GRIA3: variants seen among roughly 807,000 people sequenced by gnomAD.
GRIA3 encodes the protein glutamate ionotropic receptor AMPA type subunit 3, also known as glutamate receptor 3.
Under a neutral mutation model 63.0 loss-of-function variants are expected in GRIA3, and 3 were observed. The ratio of observed to expected loss-of-function variants is 0.05; its 90% CI spans 0.02 to 0.12. The LOEUF is 0.12. Among genes scored for constraint, GRIA3 ranks in the 10% least tolerant of loss-of-function variants. The pLI is 1.00. For synonymous variants in GRIA3, 274 were observed against 257.9 expected (o/e 1.06, Z -0.60); for missense variants, 347 against 700.9 (o/e 0.50, Z 5.70).
chrX:123,221,116 A>G (rs1229349074), intron 2 of GRIA3, among the ~76,000 whole-genome samples: 1 of 112,753 alleles, frequency 8.9e-6, no homozygotes, highest in Non-Finnish European at 1.9e-5. Context: ...TTGCACACAC[A>G]CACTAAAATG....
intron 2 of GRIA3, among the ~76,000 whole-genome samples, chrX:123,205,688 G>A (rs1047780282): frequency 4.5e-5 from 5 of 111,808 alleles, no homozygotes; most frequent in African/African-American, 1.6e-4. Flanking sequence ...CATGGACAAC[G>A]AACTCAGTAC....
At position 123,184,437 on chromosome X, in the gene GRIA3, G is replaced by A; in HGVS notation, c.-99G>A. 1 of 652,171 alleles carries A rather than the reference G, an allele frequency of 1.5e-6. No individual in the cohort carries two copies. The highest frequency in any genetic ancestry group is 2.6e-6 in the Non-Finnish European group (1 of 386,662). The allele number at this position is 652,171 out of a possible 1,213,427, so 53.7% of individuals were successfully genotyped here. ...GTGAGCGAGAGCAAGTTAAGGGGAG[G>A]GGGTGTAAGAGCCAGCGAATTCTTT... is the stretch of plus-strand genomic sequence containing the variant. On this transcript the variant is annotated 5_prime_UTR_variant, in exon 1 of 16. Transcript: ENST00000620443.
intron 3 of GRIA3, among the ~76,000 whole-genome samples, chrX:123,301,362 C>T (rs906484948): frequency 2.7e-5 from 3 of 111,043 alleles, no homozygotes; most frequent in East Asian, 2.8e-4. Flanking sequence ...CTGTATTAGG[C>T]GCACATATGT....
chrX:123,332,851 G>A (rs1286611266), intron 4 of GRIA3, among the ~76,000 whole-genome samples: 1 of 111,655 alleles, frequency 9.0e-6, no homozygotes, highest in Non-Finnish European at 1.9e-5. Flanking sequence ...TTCAATGCTA[G>A]AGTTTATCTA....
At chrX:123,298,459 C>A (rs1285972060) in intron 3 of GRIA3, among the ~76,000 whole-genome samples, 1 of 111,490 alleles carries the variant, frequency 9.0e-6, no homozygotes, top group Non-Finnish European at 1.9e-5. Context: ...TTGTGATTTT[C>A]ATTTACATTT....
At chrX:123,356,598 T>A in intron 5 of GRIA3, among the ~76,000 whole-genome samples, 1 of 112,517 alleles carries the variant, frequency 8.9e-6, no homozygotes, top group Non-Finnish European at 1.9e-5. Flanking sequence ...AATAGAGATA[T>A]AACAAAAGTA....
intron 3 of GRIA3, among the ~76,000 whole-genome samples, chrX:123,258,109 C>T (rs2044429917): frequency 8.9e-6 from 1 of 112,497 alleles, no homozygotes; most frequent in African/African-American, 3.2e-5. Context: ...TCTTTCCTTA[C>T]TATGGCATTA....
chrX:123,352,813 C>T (rs367708684), intron 4 of GRIA3, among the ~76,000 whole-genome samples: 3 of 110,934 alleles, frequency 2.7e-5, no homozygotes, highest in Non-Finnish European at 1.9e-5. Context: ...CAAATGTCAC[C>T]GGCAAGGATG....
chrX:123,264,723 A>G (rs1345041311), intron 3 of GRIA3, among the ~76,000 whole-genome samples: 1 of 112,103 alleles, frequency 8.9e-6, no homozygotes, highest in Non-Finnish European at 1.9e-5. Flanking sequence ...ATTAGAAACT[A>G]TGTTAGTGTT....
intron 2 of GRIA3, among the ~76,000 whole-genome samples, chrX:123,188,153 A>T (rs1305770370): frequency 9.0e-6 from 1 of 111,664 alleles, no homozygotes; most frequent in Non-Finnish European, 1.9e-5. Flanking sequence ...ATAGCTAGAA[A>T]CCAGTGTTGT....
intron 2 of GRIA3, among the ~76,000 whole-genome samples, chrX:123,251,355 T>C (rs903837034): frequency 8.9e-6 from 1 of 112,341 alleles, no homozygotes; most frequent in Non-Finnish European, 1.9e-5. Flanking sequence ...TCCCTTTTGT[T>C]TCTGAGTATT....
At chrX:123,213,511 A>G (rs923111118) in intron 2 of GRIA3, among the ~76,000 whole-genome samples, 5 of 112,341 alleles carry the variant, frequency 4.5e-5, no homozygotes, top group Non-Finnish European at 7.5e-5. Context: ...ATGTTAATCT[A>G]GATAGGTTTG....
intron 3 of GRIA3, among the ~76,000 whole-genome samples, chrX:123,281,227 T>A (rs1035798659): frequency 9.0e-6 from 1 of 111,496 alleles, no homozygotes; most frequent in Non-Finnish European, 1.9e-5. Context: ...CAGAAGAGTG[T>A]CCTTAAGCAC....
Position 123,342,980 on chromosome X carries a change from G to A in GRIA3, c.697-11930G>A, listed in dbSNP as rs183854659. ...TTATTATTACAGCTTCCAACATTTA[G>A]TTCCTGGGTTCTTGAGTCAGATAAA... On this transcript the variant is annotated intron_variant, in intron 4 of 15. Coordinates refer to ENST00000620443, the MANE Select transcript of GRIA3 (RefSeq NM_007325.5). Among the ~76,000 whole-genome samples, 67 of 111,283 alleles carry A rather than the reference G, an allele frequency of 6.0e-4. No homozygotes were observed. In the East Asian group the frequency reaches 0.016, roughly 27 times the overall value.
chrX:123,194,767 C>A (rs1309629920), intron 2 of GRIA3, among the ~76,000 whole-genome samples: 2 of 112,397 alleles, frequency 1.8e-5, no homozygotes, highest in Non-Finnish European at 3.8e-5. Flanking sequence ...CCCAGTACTA[C>A]AGAGATATAC....
At chrX:123,313,011 CACAA>C (rs1361348772) in intron 3 of GRIA3, among the ~76,000 whole-genome samples, 5 of 110,971 alleles carry the variant, frequency 4.5e-5, no homozygotes, top group Non-Finnish European at 9.4e-5. Context: ...CTCTGGCCAC[CACAA>C]ACAGCCTGAC....
At chrX:123,357,950 A>T (rs2045144171) in intron 5 of GRIA3, among the ~76,000 whole-genome samples, 1 of 111,081 alleles carries the variant, frequency 9.0e-6, no homozygotes, top group South Asian at 3.9e-4. Flanking sequence ...TAATAGAGAT[A>T]GGAGCTGCTG....
intron 6 of GRIA3, among the ~76,000 whole-genome samples, chrX:123,397,167 A>C (rs1216240397): frequency 1.8e-5 from 2 of 112,262 alleles, no homozygotes; most frequent in Non-Finnish European, 3.8e-5. Context: ...CATGCTTATA[A>C]GTAAAACCCT....
Position 123,291,672 on chromosome X carries a change from CT to C in GRIA3, c.509-34353del, listed in dbSNP as rs2044656963. 2.7e-5 allele frequency among the ~76,000 whole-genome samples: 3 copies of C among 111,146 alleles called. No individual in the cohort carries two copies. The South Asian group carries it at 1.1e-3, about 42-fold the overall frequency. On this transcript the variant is annotated intron_variant, in intron 3 of 15. Coordinates refer to ENST00000620443, the MANE Select transcript of GRIA3 (RefSeq NM_007325.5). The stretch of plus-strand genomic sequence containing the variant: ...CTTTTTGCTTCTCCATCCTTATCAC[CT>C]GGCTTTCACCTATATGCTTGTTTCC...
Sources: gnomAD v4.1 joint callset for allele counts (sites outside exome capture counted in the v4.1 genomes callset) on GRCh38, gnomAD v4.1.1 for gene constraint, MANE v1.5 for transcripts, NCBI Gene and HGNC (gene_info 2026-07-23, HGNC 2026-07-21) for gene names.